The following KIF13B variants were observed in gnomAD, a reference collection of about 807,000 sequenced individuals.
KIF13B encodes kinesin family member 13B.
A neutral mutation model predicts 222.0 loss-of-function variants in KIF13B; 127 were observed. The ratio of observed to expected loss-of-function variants is 0.57; its 90% CI spans 0.50 to 0.66. The LOEUF is 0.66. KIF13B is among the 30% of genes least tolerant of loss of function. The pLI is 0.00. For synonymous variants in KIF13B, 976 were observed against 919.0 expected, an observed-to-expected ratio of 1.06 and a Z score of -1.12; for missense variants, 2,173 against 2,379.0, an observed-to-expected ratio of 0.91 and a Z score of 1.80.
intron 24 of KIF13B, among the ~76,000 whole-genome samples, chr8:29,127,538 C>A (rs1586815505): frequency 6.6e-6 from 1 of 152,212 alleles, no homozygotes; most frequent in African/African-American, 2.4e-5. Context: ...GAAATGCAAA[C>A]AGTTGGCCAA....
chr8:29,146,449 C>T lies in KIF13B; in HGVS notation c.2116G>A (p.Glu706Lys). 1 of 1,613,724 alleles carries T rather than the reference C, an allele frequency of 6.2e-7. No homozygotes were observed. Among genetic ancestry groups the T allele is most frequent in the Non-Finnish European group, 8.5e-7 (1 of 1,179,724 alleles). Residue 706 changes from glutamate (E) to lysine (K), a missense_variant, in exon 18 of 40, where the codon GAG becomes AAG. Glu to Lys is a moderately conservative substitution (Grantham distance 56). Transcript: ENST00000524189. ...TTGTATTCTGTTCTTTTATCCAGCT[C>T]CTCAGCAATGTAATTAGCTTCTCTC... ...LVREANYIAE[E>K]LDKRTEYKVT...
intron 37 of KIF13B, among the ~76,000 whole-genome samples, chr8:29,080,305 G>A (rs1231112455): frequency 7.6e-6 from 1 of 131,028 alleles, no homozygotes; most frequent in East Asian, 2.3e-4. Context: ...CTCACCCTGG[G>A]TGACAGAGTG....
At chr8:29,122,154 T>C (rs1333445072) in intron 29 of KIF13B, among the ~76,000 whole-genome samples, 1 of 152,080 alleles carries the variant, frequency 6.6e-6, no homozygotes, top group African/African-American at 2.4e-5. Flanking sequence ...CTCAGGAAGC[T>C]GAGGCAGGAG....
intron 11 of KIF13B, 112 bp from the exon 12 acceptor site, chr8:29,165,884 C>T (rs1462462229): frequency 2.9e-5 from 5 of 172,622 alleles, no homozygotes; most frequent in South Asian, 1.8e-4. Flanking sequence ...CTGAATGTCA[C>T]GCTGAGGTCT....
chr8:29,116,284 A>G (rs528516150), intron 31 of KIF13B, among the ~76,000 whole-genome samples: 6 of 152,212 alleles, frequency 3.9e-5, no homozygotes, highest in Non-Finnish European at 7.3e-5. Context: ...CCCTGGCAGC[A>G]TGGCGAGACC....
Position 29,196,181 on chromosome 8 carries a change from T to G in KIF13B, c.162+6A>C. 3 of 1,568,048 alleles carry G rather than the reference T, an allele frequency of 1.9e-6. No individual in the cohort carries two copies. The highest frequency in any genetic ancestry group is 2.6e-6 in the Non-Finnish European group (3 of 1,155,252). On this transcript the variant is annotated splice_donor_region_variant and intron_variant, in intron 3 of 39. Coordinates refer to ENST00000524189, the MANE Select transcript of KIF13B (RefSeq NM_015254.4). ...CAAGCATCACATAACAAACCAAATC[T>G]CTTACCTTCGGCTGGCCCCTGAGCT...
At chr8:29,156,445 C>A (rs1811528696) in intron 13 of KIF13B, among the ~76,000 whole-genome samples, 1 of 152,134 alleles carries the variant, frequency 6.6e-6, no homozygotes, top group Non-Finnish European at 1.5e-5. Flanking sequence ...CACCCTAGAG[C>A]TACATACTTT....
At chr8:29,193,573 T>C (rs1231674698) in intron 3 of KIF13B, among the ~76,000 whole-genome samples, 4 of 152,192 alleles carry the variant, frequency 2.6e-5, no homozygotes, top group Admixed American at 6.5e-5. Context: ...TAAGCTTAGT[T>C]CTCACTTCAA....
chr8:29,227,950 A>G (rs1815099131), intron 2 of KIF13B, among the ~76,000 whole-genome samples: 1 of 152,136 alleles, frequency 6.6e-6, no homozygotes, highest in Non-Finnish European at 1.5e-5. Flanking sequence ...GACTTTAAAA[A>G]AAATTTTTTT....
At chr8:29,199,192 A>C (rs1563781545) in intron 2 of KIF13B, among the ~76,000 whole-genome samples, 1 of 152,204 alleles carries the variant, frequency 6.6e-6, no homozygotes, top group African/African-American at 2.4e-5. Context: ...TAAGCAAAGC[A>C]GTTTCTCATC....
At chr8:29,095,538 G>A (rs926212872) in intron 36 of KIF13B, among the ~76,000 whole-genome samples, 26 of 152,258 alleles carry the variant, frequency 1.7e-4, no homozygotes, top group Admixed American at 7.8e-4. Context: ...AGGCCGAGGC[G>A]GGTGGATCAC....
At chr8:29,131,109 A>G (rs1810323508) in intron 23 of KIF13B, among the ~76,000 whole-genome samples, 3 of 152,176 alleles carry the variant, frequency 2.0e-5, no homozygotes, top group Admixed American at 6.6e-5. Context: ...TATAAGTGGG[A>G]GCTAAACACT....
intron 29 of KIF13B, among the ~76,000 whole-genome samples, chr8:29,120,120 C>G (rs1452822905): frequency 6.6e-6 from 1 of 151,438 alleles, no homozygotes; most frequent in Non-Finnish European, 1.5e-5. Flanking sequence ...CGTATCCAGG[C>G]CCAAAATATT....
chr8:29,210,223 A>G (rs1814156145), intron 2 of KIF13B, among the ~76,000 whole-genome samples: 1 of 152,190 alleles, frequency 6.6e-6, no homozygotes, highest in African/African-American at 2.4e-5. Context: ...AATGAGTTGT[A>G]AAAGTTCACA....
chr8:29,144,943 G>C (rs890398251), intron 18 of KIF13B, among the ~76,000 whole-genome samples: 1 of 152,212 alleles, frequency 6.6e-6, no homozygotes, highest in Admixed American at 6.5e-5. Context: ...AAGCCCAAAA[G>C]AGGTTACGGA....
intron 26 of KIF13B, 146 bp from the exon 27 acceptor site, chr8:29,124,269 C>T (rs569460940): frequency 1.0e-4 from 57 of 555,108 alleles, no homozygotes; most frequent in South Asian, 8.5e-4. Flanking sequence ...CAGTTGACTG[C>T]GCCCATCTTT....
At chr8:29,208,595 G>C (rs1326920184) in intron 2 of KIF13B, among the ~76,000 whole-genome samples, 1 of 152,172 alleles carries the variant, frequency 6.6e-6, no homozygotes, top group East Asian at 1.9e-4. Context: ...GAGCTATGGG[G>C]CTCCATGTTC....
At chr8:29,143,498 C>T (rs1347287252) in intron 18 of KIF13B, among the ~76,000 whole-genome samples, 3 of 152,330 alleles carry the variant, frequency 2.0e-5, no homozygotes, top group East Asian at 1.9e-4. Flanking sequence ...TAGATGGAAG[C>T]GGTGCTCACA....
At chr8:29,245,975 A>T (rs1289591383) in intron 1 of KIF13B, among the ~76,000 whole-genome samples, 2 of 152,252 alleles carry the variant, frequency 1.3e-5, no homozygotes, top group Non-Finnish European at 2.9e-5. Flanking sequence ...ATGTAAAAGA[A>T]ATGCAAGACT....
Sources: allele counts gnomAD v4.1 joint callset (sites outside exome capture counted in the v4.1 genomes callset), GRCh38; gene constraint gnomAD v4.1.1; transcripts MANE v1.5; gene names NCBI Gene and HGNC (gene_info 2026-07-23, HGNC 2026-07-21).